TTC19: variants seen among roughly 807,000 people sequenced by gnomAD.
TTC19 encodes the protein tetratricopeptide repeat domain 19, also known as tetratricopeptide repeat protein 19, mitochondrial.
A neutral mutation model predicts 49.5 loss-of-function variants in TTC19; 38 were observed. The observed-to-expected ratio is 0.77, with a 90% confidence interval of 0.59 to 1.01. The LOEUF is 1.01. TTC19 is among the 50% of genes least tolerant of loss of function. The probability of loss-of-function intolerance (pLI) is 0.00; values close to 1 mark genes in which losing one functional copy is unlikely to be tolerated. For synonymous variants in TTC19, 204 were observed against 185.2 expected (o/e 1.10, Z -0.83); for missense variants, 475 against 477.7 (o/e 0.99, Z 0.05).
chr17:16,004,326 A>G (rs1970829936), intron 6 of TTC19, 64 bp downstream of exon 6: 1 of 1,459,140 alleles, frequency 6.9e-7, no homozygotes, highest in African/African-American at 1.4e-5. Flanking sequence ...ATGTTACATA[A>G]TATTCATTGT....
intron 7 of TTC19, among the ~76,000 whole-genome samples, chr17:16,007,439 AGTTTTTTGTTTTTT>A (rs79731557): frequency 5.9e-5 from 9 of 151,454 alleles, no homozygotes; most frequent in Admixed American, 3.9e-4. Flanking sequence ...CTCAGCATAC[AGTTTTTTGTTTTTT>A]GTTTTTTGTT....
intron 4 of TTC19, among the ~76,000 whole-genome samples, chr17:16,003,332 C>A (rs2041459): frequency 2.0e-5 from 3 of 151,878 alleles, no homozygotes; most frequent in Non-Finnish European, 4.4e-5. Context: ...CTGACTGCAA[C>A]CTCGACCTGC....
chr17:16,010,770 C>T (rs1971047286), intron 7 of TTC19, among the ~76,000 whole-genome samples: 2 of 152,188 alleles, frequency 1.3e-5, no homozygotes, highest in African/African-American at 2.4e-5. Context: ...CTGTGCCCGG[C>T]CCCTATTTTC....
At chr17:16,024,993 T>G (rs750890125) in intron 7 of TTC19, 24 bp from the exon 8 acceptor site, 1 of 1,613,452 alleles carries the variant, frequency 6.2e-7, no homozygotes, top group South Asian at 1.1e-5. Context: ...TGGGTAGATT[T>G]GCTGATTCCT....
intron 7 of TTC19, among the ~76,000 whole-genome samples, chr17:16,007,555 C>A (rs1970948918): frequency 2.0e-5 from 3 of 152,188 alleles, no homozygotes; most frequent in Admixed American, 6.5e-5. Flanking sequence ...TATCACCACT[C>A]TCACACTTTG....
chr17:16,032,610 T>C (rs964961580), downstream of TTC19: 17 of 843,862 alleles, frequency 2.0e-5, no homozygotes, highest in Admixed American at 4.5e-4. Context: ...GAAAGCAAAA[T>C]GAATACAACA....
rs56195102 is a variant in TTC19, at chr17:16,026,819, A to G, written c.994+117A>G. 0.042 allele frequency: 45,653 copies of G among 1,079,572 alleles called. 1,919 individuals carry two copies. Among genetic ancestry groups the G allele is most frequent in the African/African-American group, 0.19 (12,319 of 63,842 alleles). 66.9% of individuals were successfully genotyped at this position (1,079,572 alleles called of 1,614,324 possible). On this transcript the variant is annotated intron_variant, in intron 9 of 9. Transcript: ENST00000261647. ...GGCCAACGAATAAACATGTAAATTA[A>G]AAGACTGGTTGAATGGCAGAAAAAG...
At chr17:16,030,785 C>G (rs920913580), downstream of TTC19, 38 of 181,828 alleles carry the variant, frequency 2.1e-4, no homozygotes, top group African/African-American at 8.0e-4. Context: ...GTGTCTTCAT[C>G]TGTAACATAG....
chr17:16,018,668 G>A (rs1971283062), intron 7 of TTC19, among the ~76,000 whole-genome samples: 1 of 151,938 alleles, frequency 6.6e-6, no homozygotes, highest in Non-Finnish European at 1.5e-5. Flanking sequence ...CACCATGCCT[G>A]GCTAATTTCC....
Position 15,999,899 on chromosome 17 carries a change from G to T in TTC19, c.51G>T (p.Ala17=). ...TGGGCCGAGGCTTCCTGCGGGCCGC[G>T]GGGCGGCGGTGCCGGGGCTGCTCCG... is the stretch of plus-strand genomic sequence containing the variant. ...WSLGRGFLRA[A]GRRCRGCSAR... The change falls in exon 1 of 10, where the codon GCG becomes GCT. Residue 17 remains alanine, a synonymous_variant. Coordinates refer to ENST00000261647, the MANE Select transcript of TTC19 (RefSeq NM_017775.4). The T allele has an allele frequency of 7.2e-7, 1 of 1,397,724 alleles. No homozygotes were observed. The highest frequency in any genetic ancestry group is 9.2e-7 in the Non-Finnish European group (1 of 1,085,492). The allele number at this position is 1,397,724 out of a possible 1,614,324, so 86.6% of individuals were successfully genotyped here. A position where few individuals can be genotyped will look rare whatever the true frequency, so the allele number is the denominator to read the frequency against.
intron 7 of TTC19, among the ~76,000 whole-genome samples, chr17:16,018,164 T>C (rs1279715325): frequency 1.3e-5 from 2 of 152,244 alleles, no homozygotes; most frequent in African/African-American, 2.4e-5. Flanking sequence ...TTAAATAGTC[T>C]ATTTTCTCCT....
chr17:16,039,623 A>C (rs1302586495), intron 2 of TTC19: 1 of 1,614,030 alleles, frequency 6.2e-7, no homozygotes, highest in African/African-American at 1.3e-5. Context: ...TGGCAGGATC[A>C]GCAAAAGAAT....
Position 16,006,490 on chromosome 17 carries a change from G to T in TTC19, c.598G>T (p.Ala200Ser), listed in dbSNP as rs1008490994. The change falls in exon 7 of 10, where the codon GCT becomes TCT. Residue 200 changes from alanine (A) to serine (S), a missense_variant. Physicochemically the swap from Ala to Ser is moderately conservative, Grantham distance 99 (BLOSUM62 1). Coordinates refer to ENST00000261647, the MANE Select transcript of TTC19 (RefSeq NM_017775.4). ...GCTTTACAGACAGGAATTTGCTGTT[G>T]CTGGCTATGAATTCTGCATTTCAAC... ...AAQNRQEFAV[A>S]GYEFCISTLE... 1.9e-6 allele frequency: 3 copies of T among 1,612,204 alleles called. No individual in the cohort carries two copies. Among genetic ancestry groups the T allele is most frequent in the Non-Finnish European group, 2.5e-6 (3 of 1,178,542 alleles).
chr17:16,027,472 G>A lies in TTC19; in HGVS notation c.1093G>A (p.Ala365Thr). ...ISVQHIREEL[A>T]ELSKKSRPLT... ...TGTACAACACATCAGGGAAGAGTTG[G>A]CTGAGCTGTCAAAGAAAAGTAGACC... is the stretch of plus-strand genomic sequence containing the variant. The change falls in exon 10 of 10, where the codon GCT becomes ACT. Residue 365 changes from alanine (A) to threonine (T), a missense_variant. By Grantham distance (58) the Ala-to-Thr change is moderately conservative. Coordinates refer to ENST00000261647, the MANE Select transcript of TTC19 (RefSeq NM_017775.4). 6.2e-7 allele frequency: 1 copy of A among 1,614,082 alleles called. No individual in the cohort carries two copies. The highest frequency in any genetic ancestry group is 8.5e-7 in the Non-Finnish European group (1 of 1,179,958).
chr17:16,027,362 G>C lies in TTC19; in HGVS notation c.995-12G>C. On this transcript the variant is annotated splice_polypyrimidine_tract_variant and intron_variant, in intron 9 of 9. Coordinates refer to ENST00000261647, the MANE Select transcript of TTC19 (RefSeq NM_017775.4). ...TTTCTTCTTACTGTCCCTTCTCTCT[G>C]GGTTATTTTAGAACGATATACACAA... The C allele has an allele frequency of 6.2e-7, 1 of 1,613,700 alleles. No homozygotes were observed. Among genetic ancestry groups the C allele is most frequent in the South Asian group, 1.1e-5 (1 of 91,040 alleles).
At chr17:16,006,958 C>T (rs1413095615) in intron 7 of TTC19, among the ~76,000 whole-genome samples, 1 of 152,090 alleles carries the variant, frequency 6.6e-6, no homozygotes, top group Admixed American at 6.6e-5. Context: ...AGAAAAAAAG[C>T]TCATGTTTTT....
At chr17:16,012,487 G>A (rs926529166) in intron 7 of TTC19, among the ~76,000 whole-genome samples, 2 of 152,016 alleles carry the variant, frequency 1.3e-5, no homozygotes, top group Non-Finnish European at 2.9e-5. Context: ...TTGGGGCTGG[G>A]GGGTGGAAGA....
chr17:16,027,436 G>C lies in TTC19; in HGVS notation c.1057G>C (p.Asp353His). ...ACTGAAGCAAGCAAAGCTGAAAAAA[G>C]ATGAAATTTCTGTACAACACATCAG... ...EALKQAKLKKDEISVQHIREE... is the reference protein window; with the variant it reads ...EALKQAKLKKHEISVQHIREE... Residue 353 changes from aspartate (D) to histidine (H), a missense_variant, in exon 10 of 10, where the codon GAT becomes CAT. Asp to His is a moderately conservative substitution (Grantham distance 81). Coordinates refer to ENST00000261647, the MANE Select transcript of TTC19 (RefSeq NM_017775.4). 1 of 1,613,980 alleles carries C rather than the reference G, an allele frequency of 6.2e-7. No individual in the cohort carries two copies. Among genetic ancestry groups the C allele is most frequent in the Non-Finnish European group, 8.5e-7 (1 of 1,179,834 alleles).
Position 16,028,208 on chromosome 17 carries a change from T to C in TTC19, c.*686T>C. On this transcript the variant is annotated 3_prime_UTR_variant, in exon 10 of 10. Coordinates refer to ENST00000261647, the MANE Select transcript of TTC19 (RefSeq NM_017775.4). ...ATATAAAACTAAAAACTAAGAATGA[T>C]GTAACCTTTTGTCTGTGTTATCTGA... is the stretch of plus-strand genomic sequence containing the variant. 1 of 454,134 alleles carries C rather than the reference T, an allele frequency of 2.2e-6. No individual in the cohort carries two copies. Among genetic ancestry groups the C allele is most frequent in the Non-Finnish European group, 4.4e-6 (1 of 226,794 alleles). 28.1% of individuals were successfully genotyped at this position (454,134 alleles called of 1,614,324 possible). A position where few individuals can be genotyped will look rare whatever the true frequency, so the allele number is the denominator to read the frequency against.
Sources: gnomAD v4.1 joint callset for allele counts (sites outside exome capture counted in the v4.1 genomes callset) on GRCh38, gnomAD v4.1.1 for gene constraint, MANE v1.5 for transcripts, NCBI Gene and HGNC (gene_info 2026-07-23, HGNC 2026-07-21) for gene names.